The following NEDD9 variants were observed in gnomAD, a reference collection of about 807,000 sequenced individuals.
NEDD9 encodes neural precursor cell expressed, developmentally down-regulated 9.
NEDD9 carries 26 observed loss-of-function variants against 76.6 expected under a neutral mutation model. The ratio of observed to expected loss-of-function variants is 0.34; its 90% CI spans 0.25 to 0.47. NEDD9 has a LOEUF of 0.47. Ranked by LOEUF, NEDD9 falls within the 20% of genes least tolerant of loss-of-function variation. The pLI, the probability that NEDD9 is intolerant of heterozygous loss-of-function variation, is 1.00. For synonymous variants in NEDD9, 392 were observed against 414.2 expected (o/e 0.95, Z 0.65); for missense variants, 937 against 1,058.5 (o/e 0.89, Z 1.59).
intron 1 of NEDD9, among the ~76,000 whole-genome samples, chr6:11,226,982 T>TTTG (rs886187385): frequency 2.0e-5 from 3 of 152,320 alleles, no homozygotes; most frequent in Middle Eastern, 3.4e-3. Flanking sequence ...GCCCATGTTT[T>TTTG]TTGTTGTTGT....
In NEDD9 at chr6:11,344,323, C is replaced by T. The variant is rs1252798850; in HGVS notation, c.-213-9762G>A. Among the ~76,000 whole-genome samples the T allele has an allele frequency of 3.9e-5, 6 of 152,272 alleles. No individual in the cohort carries two copies. In the South Asian group the frequency reaches 8.3e-4, roughly 21 times the overall value. ...CTGGTCCACTCTGTTGGAAAGTCCC[C>T]GTTGTTGAAGATGTTTATCCTGGAG... is the stretch of plus-strand genomic sequence containing the variant. On this transcript the variant is annotated intron_variant, in intron 1 of 3. Coordinates refer to the NEDD9 transcript ENST00000397378.
chr6:11,352,262 A>G (rs1762484772), intron 1 of NEDD9: 1 of 152,228 alleles, frequency 6.6e-6, no homozygotes, highest in Non-Finnish European at 1.5e-5. Flanking sequence ...CTCTGGGTGT[A>G]GATGGAGCAT....
intron 3 of NEDD9, among the ~76,000 whole-genome samples, chr6:11,280,403 C>T (rs990812944): frequency 6.6e-6 from 1 of 152,168 alleles, no homozygotes; most frequent in Non-Finnish European, 1.5e-5. Flanking sequence ...TTTGCATGGA[C>T]CCTGGATTGA....
chr6:11,295,016 T>A (rs368141389), intron 3 of NEDD9, among the ~76,000 whole-genome samples: 5 of 152,236 alleles, frequency 3.3e-5, no homozygotes, highest in Non-Finnish European at 7.3e-5. Context: ...CCTGCTGCCA[T>A]GAAAGACGTG....
At chr6:11,201,153 T>C in intron 2 of NEDD9, 1 of 1,284,692 alleles carries the variant, frequency 7.8e-7, no homozygotes, top group African/African-American at 1.5e-5. Context: ...GGGCATCCAC[T>C]TCACCTCCTT....
chr6:11,305,772 G>T, intron 3 of NEDD9: 1 of 572,350 alleles, frequency 1.7e-6, no homozygotes, highest in East Asian at 2.9e-5. Context: ...GAGATTTCTG[G>T]ATGGAATAGG....
intron 1 of NEDD9, among the ~76,000 whole-genome samples, chr6:11,361,426 T>C (rs551254202): frequency 1.3e-5 from 2 of 152,120 alleles, no homozygotes; most frequent in South Asian, 4.1e-4. Context: ...GTACGTCACA[T>C]GGTGAAAGCA....
At chr6:11,250,178 T>G (rs1377160781) in intron 3 of NEDD9, among the ~76,000 whole-genome samples, 1 of 152,224 alleles carries the variant, frequency 6.6e-6, no homozygotes, top group African/African-American at 2.4e-5. Context: ...AATGAGCCTC[T>G]GCTGGTCTTT....
chr6:11,205,994 C>G (rs1303502215), intron 2 of NEDD9, among the ~76,000 whole-genome samples: 1 of 152,246 alleles, frequency 6.6e-6, no homozygotes, highest in African/African-American at 2.4e-5. Flanking sequence ...TAAACAGGAG[C>G]AGCACATCTC....
Position 11,213,433 on chromosome 6 carries a change from C to T in NEDD9, c.307G>A (p.Asp103Asn). The T allele has an allele frequency of 6.2e-7, 1 of 1,614,010 alleles. No homozygotes were observed. Among genetic ancestry groups the T allele is most frequent in the Non-Finnish European group, 8.5e-7 (1 of 1,180,016 alleles). The change falls in exon 2 of 7, where the codon GAC (aspartate) becomes AAC (asparagine). Residue 103 changes from aspartate to asparagine, a missense_variant. Asp to Asn is a conservative substitution (Grantham distance 23). Coordinates refer to ENST00000379446, the MANE Select transcript of NEDD9 (RefSeq NM_006403.4). The surrounding 1 kb of genome is among the most constrained non-coding windows in gnomAD (Gnocchi z 5.4). Reference sequence around the variant, plus strand: ...GAAGGTGGCACTTGGTAGATGGTGTCTCGGGGAGCAGCCTGTGGGTTTGGC... The same window carrying T: ...GAAGGTGGCACTTGGTAGATGGTGTTTCGGGGAGCAGCCTGTGGGTTTGGC... ...QVPNPQAAPR[D>N]TIYQVPPSYQ... is the part of the protein sequence containing the mutation.
chr6:11,232,794 A>G (rs1343288869), upstream of NEDD9: 2 of 1,078,562 alleles, frequency 1.9e-6, no homozygotes, highest in Non-Finnish European at 2.5e-6. Flanking sequence ...ACTGACAAAG[A>G]ACTTGTAATG....
At chr6:11,207,249 G>A (rs921947972) in intron 2 of NEDD9, among the ~76,000 whole-genome samples, 2 of 152,314 alleles carry the variant, frequency 1.3e-5, no homozygotes, top group Admixed American at 6.5e-5. Flanking sequence ...TAGTTGGCTA[G>A]TATCTGAGTG....
At chr6:11,185,887 G>T (rs1172614113) in intron 6 of NEDD9, among the ~76,000 whole-genome samples, 1 of 152,198 alleles carries the variant, frequency 6.6e-6, no homozygotes, top group Non-Finnish European at 1.5e-5. Flanking sequence ...TCTATGATTG[G>T]ACTACTGGTC....
intron 1 of NEDD9, among the ~76,000 whole-genome samples, chr6:11,363,132 C>A (rs1200532844): frequency 6.6e-6 from 1 of 152,146 alleles, no homozygotes; most frequent in Non-Finnish European, 1.5e-5. Flanking sequence ...TTTGGTGGTG[C>A]AACTGATTTG....
intron 1 of NEDD9, among the ~76,000 whole-genome samples, chr6:11,381,445 A>C (rs748181771): frequency 6.6e-6 from 1 of 152,256 alleles, no homozygotes; most frequent in Non-Finnish European, 1.5e-5. Context: ...AATTTCAGCA[A>C]GATAAAAAAT....
At chr6:11,219,401 C>A (rs1161135691) in intron 1 of NEDD9, among the ~76,000 whole-genome samples, 1 of 152,176 alleles carries the variant, frequency 6.6e-6, no homozygotes, top group East Asian at 1.9e-4. Flanking sequence ...GGCCCGGCTT[C>A]CTCTGATTAT....
intron 1 of NEDD9, among the ~76,000 whole-genome samples, chr6:11,215,230 G>A (rs1044153383): frequency 1.3e-5 from 2 of 152,192 alleles, no homozygotes; most frequent in Non-Finnish European, 2.9e-5. Context: ...ACAGTCCTCA[G>A]GAAGCTTTGT....
At chr6:11,238,628 C>T (rs759573498) in intron 3 of NEDD9, among the ~76,000 whole-genome samples, 28 of 152,176 alleles carry the variant, frequency 1.8e-4, no homozygotes, top group Non-Finnish European at 3.1e-4. Context: ...TACATCCTAT[C>T]GTGCCTCCCG....
chr6:11,361,664 T>A (rs1181453371), intron 1 of NEDD9, among the ~76,000 whole-genome samples: 4 of 152,130 alleles, frequency 2.6e-5, no homozygotes, highest in African/African-American at 9.7e-5. Flanking sequence ...ATCATCCCTA[T>A]TCACAGCAGA....
Sources: gnomAD v4.1 joint callset for allele counts (sites outside exome capture counted in the v4.1 genomes callset) on GRCh38, gnomAD v4.1.1 for gene constraint, Gnocchi (gnomAD v3.1) non-coding constraint, MANE v1.5 for transcripts, NCBI Gene and HGNC (gene_info 2026-07-23, HGNC 2026-07-21) for gene names.